OPA3: variants seen among roughly 807,000 people sequenced by gnomAD.
The protein encoded by OPA3 is optic atrophy 3 protein.
OPA3 carries 6 observed loss-of-function variants against 4.0 expected under a neutral mutation model. The ratio of observed to expected loss-of-function variants is 1.51; its 90% confidence interval spans 0.83 to 2.99. The LOEUF is 2.99. OPA3 is among the 30% of genes most tolerant of loss of function. The pLI is 0.00. For missense variants in OPA3, 235 were observed against 256.2 expected, an observed-to-expected ratio of 0.92 and a Z score of 0.56; for synonymous variants, 105 against 117.1, an observed-to-expected ratio of 0.90 and a Z score of 0.67.
intron 1 of OPA3, among the ~76,000 whole-genome samples, chr19:45,579,818 G>A (rs923093445): frequency 4.6e-5 from 7 of 152,010 alleles, no homozygotes; most frequent in African/African-American, 1.7e-4. Context: ...GGAAGGTGCT[G>A]CAGACAAGCC....
rs1969284078 is a variant in OPA3, at chr19:45,548,537, A to G, written c.*4977T>C. The G allele has an allele frequency of 2.0e-6, 2 of 985,432 alleles. No homozygotes were observed. The highest frequency in any genetic ancestry group is 2.4e-6 in the Non-Finnish European group (2 of 829,938). 61.0% of individuals were successfully genotyped at this position (985,432 alleles called of 1,614,324 possible). Reference sequence around the variant, plus strand: ...GCAGGGAACACTGGAAAAGAAATGTACGTGTGAGCATCTGTAAGACCCGGT... The same window carrying G: ...GCAGGGAACACTGGAAAAGAAATGTGCGTGTGAGCATCTGTAAGACCCGGT... On this transcript the variant is annotated 3_prime_UTR_variant, in exon 2 of 2. Coordinates refer to ENST00000263275, the MANE Select transcript of OPA3 (RefSeq NM_025136.4).
At position 45,549,923 on chromosome 19, in the gene OPA3, C is replaced by T. The variant is rs541630766; in HGVS notation, c.*3591G>A. ...CTGTAATCCCAGCACTTTGGGAGGC[C>T]GAGGCGGGCGGATTACCTGAGGTCA... On this transcript the variant is annotated 3_prime_UTR_variant, in exon 2 of 2. Coordinates refer to ENST00000263275, the MANE Select transcript of OPA3 (RefSeq NM_025136.4). 1.5e-4 allele frequency: 144 copies of T among 962,190 alleles called. No individual in the cohort carries two copies. In the Admixed American group the frequency reaches 1.8e-3, roughly 12 times the overall value. The allele number at this position is 962,190 out of a possible 1,614,324, so 59.6% of individuals were successfully genotyped here. A position where few individuals can be genotyped will look rare whatever the true frequency, so the allele number is the denominator to read the frequency against.
In OPA3 at chr19:45,537,410, A is replaced by AAACAAG. The variant is rs1555730895; in HGVS notation, c.143-7955_143-7954insCTTGTT. 1.8e-3 allele frequency among the ~76,000 whole-genome samples: 220 copies of AAACAAG among 120,114 alleles called. 14 individuals are homozygous for AAACAAG. The highest frequency in any genetic ancestry group is 7.1e-3 in the African/African-American group (215 of 30,326). The allele number at this position is 120,114 out of a possible 152,430, so 78.8% of individuals were successfully genotyped here. On this transcript the variant is annotated intron_variant, in intron 1 of 1. Transcript: ENST00000323060. The stretch of plus-strand genomic sequence containing the variant: ...AGACTCTGTCTCAAAAAAAAAAAAA[A>AAACAAG]AAAAAAAAAAAACAAGAAAAGAACT...
At chr19:45,531,155 A>T (rs1969057447) in intron 1 of OPA3, among the ~76,000 whole-genome samples, 1 of 151,838 alleles carries the variant, frequency 6.6e-6, no homozygotes, top group African/African-American at 2.4e-5. Context: ...TGCTGCCTGA[A>T]ATTGAAAATA....
Position 45,559,004 on chromosome 19 carries a change from C to T in OPA3, c.143-5093G>A, listed in dbSNP as rs182969402. Reference sequence around the variant, plus strand: ...GTTCGAGTGATTCTCCTGCCTGAGCCTCCCAAGTAGCTGGGATTACAGGCG... The same window carrying T: ...GTTCGAGTGATTCTCCTGCCTGAGCTTCCCAAGTAGCTGGGATTACAGGCG... On this transcript the variant is annotated intron_variant, in intron 1 of 1. Coordinates refer to ENST00000263275, the MANE Select transcript of OPA3 (RefSeq NM_025136.4). Among the ~76,000 whole-genome samples the T allele has an allele frequency of 2.3e-3, 353 of 152,238 alleles. 2 individuals carry two copies. The highest frequency in any genetic ancestry group is 7.6e-3 in the African/African-American group (315 of 41,546).
At chr19:45,572,788 T>TAG (rs748958429) in intron 1 of OPA3, among the ~76,000 whole-genome samples, 1 of 88,626 alleles carries the variant, frequency 1.1e-5, no homozygotes, top group South Asian at 3.2e-4. Context: ...ATACTATATA[T>TAG]AGATATATAT....
At chr19:45,582,002 T>C (rs1969862159) in intron 1 of OPA3, among the ~76,000 whole-genome samples, 1 of 152,078 alleles carries the variant, frequency 6.6e-6, no homozygotes, top group South Asian at 2.1e-4. Flanking sequence ...TTTCACCATG[T>C]TGGTCAGGCT....
At chr19:45,535,490 T>C (rs1461758651) in intron 1 of OPA3, among the ~76,000 whole-genome samples, 2 of 151,098 alleles carry the variant, frequency 1.3e-5, no homozygotes, top group African/African-American at 4.9e-5. Flanking sequence ...CCTGAGTAGC[T>C]GGGACTGCAG....
intron 1 of OPA3, among the ~76,000 whole-genome samples, chr19:45,540,291 T>C (rs1392276564): frequency 1.3e-5 from 2 of 151,762 alleles, no homozygotes; most frequent in African/African-American, 4.8e-5. Flanking sequence ...TGCTCCAGCC[T>C]GGGTGCCAGA....
At chr19:45,572,347 T>C (rs1969683462) in intron 1 of OPA3, among the ~76,000 whole-genome samples, 1 of 137,252 alleles carries the variant, frequency 7.3e-6, no homozygotes. Context: ...ATCTCATATA[T>C]ATCGACATAT....
At position 45,569,427 on chromosome 19, in the gene OPA3, C is replaced by T. The variant is rs554848545; in HGVS notation, c.142+15196G>A. On this transcript the variant is annotated intron_variant, in intron 1 of 1. Transcript: ENST00000263275. Reference sequence around the variant, plus strand: ...TGAGCCGAGATCGCGCCACTGCACTCCAGCCTGGGCGACAGAGCAAGACTC... The same window carrying T: ...TGAGCCGAGATCGCGCCACTGCACTTCAGCCTGGGCGACAGAGCAAGACTC... Among the ~76,000 whole-genome samples the T allele has an allele frequency of 2.5e-4, 38 of 152,262 alleles. No homozygotes were observed. The South Asian group carries it at 7.5e-3, about 30-fold the overall frequency.
chr19:45,580,313 GAC>G (rs911835364), intron 1 of OPA3, among the ~76,000 whole-genome samples: 7 of 118,182 alleles, frequency 5.9e-5, no homozygotes, highest in African/African-American at 2.3e-4. Flanking sequence ...TTTTTTTTGA[GAC>G]AGAGTTTCAC....
chr19:45,555,531 C>T (rs2122445905), intron 1 of OPA3, among the ~76,000 whole-genome samples: 1 of 151,970 alleles, frequency 6.6e-6, no homozygotes, highest in Admixed American at 6.6e-5. Flanking sequence ...CACTCTGTCG[C>T]CCAGGCTGGA....
exon 2 of OPA3, chr19:45,528,283 T>C (rs947551479): frequency 6.6e-6 from 1 of 152,316 alleles, no homozygotes; most frequent in African/African-American, 2.4e-5. Context: ...GACCACAGAA[T>C]GCCGGGCTGG....
chr19:45,555,164 C>T (rs1374283972), intron 1 of OPA3, among the ~76,000 whole-genome samples: 1 of 152,112 alleles, frequency 6.6e-6, no homozygotes, highest in Non-Finnish European at 1.5e-5. Flanking sequence ...AATAACTTAG[C>T]ATTTAGAACC....
Position 45,551,612 on chromosome 19 carries a change from T to TGTGAA in OPA3, c.*1897_*1901dup. The TGTGAA allele has an allele frequency of 5.7e-6, 4 of 707,958 alleles. No homozygotes were observed. The highest frequency in any genetic ancestry group is 5.2e-6 in the Non-Finnish European group (3 of 576,550). The allele number at this position is 707,958 out of a possible 1,614,324, so 43.9% of individuals were successfully genotyped here. ...TTCAGACTTCTGGACTCCAGAACTG[T>TGTGAA]GTGAATTAAATTCCTGTTGGACTTA... On this transcript the variant is annotated 3_prime_UTR_variant, in exon 2 of 2. Transcript: ENST00000263275.
downstream of OPA3, among the ~76,000 whole-genome samples, chr19:45,544,839 C>T (rs1969227649): frequency 7.5e-6 from 1 of 132,508 alleles, no homozygotes; most frequent in Non-Finnish European, 1.6e-5. Context: ...GGAAATTAAC[C>T]GGGCATGGTG....
intron 1 of OPA3, among the ~76,000 whole-genome samples, chr19:45,538,384 G>A (rs1969146403): frequency 6.6e-6 from 1 of 152,102 alleles, no homozygotes; most frequent in Non-Finnish European, 1.5e-5. Context: ...TTGCACTACT[G>A]CACTACATCC....
At chr19:45,533,992 C>A (rs555293251) in intron 1 of OPA3, among the ~76,000 whole-genome samples, 3 of 152,320 alleles carry the variant, frequency 2.0e-5, no homozygotes, top group South Asian at 2.1e-4. Context: ...AAACACACAC[C>A]TTTTGGCATA....
Sources: gnomAD v4.1 joint callset for allele counts (sites outside exome capture counted in the v4.1 genomes callset) on GRCh38, gnomAD v4.1.1 for gene constraint, MANE v1.5 for transcripts, NCBI Gene and HGNC (gene_info 2026-07-23, HGNC 2026-07-21) for gene names.